ZHX2: variants seen among roughly 807,000 people sequenced by gnomAD.
The protein encoded by ZHX2 is zinc fingers and homeoboxes 2.
In ZHX2, 6 loss-of-function variants were observed where a neutral mutation model predicts 21.9. That is an observed-to-expected ratio of 0.27 (90% CI 0.15 to 0.54). The LOEUF (loss-of-function observed/expected upper bound fraction) is 0.54. Among genes scored for constraint, ZHX2 ranks in the 20% least tolerant of loss-of-function variants. The probability of loss-of-function intolerance (pLI) is 0.95; values close to 1 mark genes in which losing one functional copy is unlikely to be tolerated. For missense variants in ZHX2, 908 were observed against 1,090.7 expected (o/e 0.83, Z 2.36); for synonymous variants, 434 against 437.1 (o/e 0.99, Z 0.09).
chr8:122,819,397 C>T (rs910905016), intron 1 of ZHX2, among the ~76,000 whole-genome samples: 2 of 152,212 alleles, frequency 1.3e-5, no homozygotes, highest in Admixed American at 1.3e-4. Context: ...TCCCAGCATG[C>T]GTGCTCACAG....
intron 2 of ZHX2, among the ~76,000 whole-genome samples, chr8:122,875,129 TTATATATATA>T (rs71310631): frequency 8.8e-4 from 9 of 10,224 alleles, no homozygotes; most frequent in Admixed American, 3.8e-3. Flanking sequence ...GAAAACTCTG[TTATATATATA>T]TATATATATA....
chr8:122,810,822 A>C (rs943390519), intron 1 of ZHX2, among the ~76,000 whole-genome samples: 1 of 151,554 alleles, frequency 6.6e-6, no homozygotes, highest in African/African-American at 2.4e-5. Flanking sequence ...TTTAAGTTTT[A>C]GGGTACGTGT....
intron 2 of ZHX2, among the ~76,000 whole-genome samples, chr8:122,932,855 G>A (rs1586399692): frequency 6.6e-6 from 1 of 151,934 alleles, no homozygotes; most frequent in Non-Finnish European, 1.5e-5. Context: ...CCACACCCTG[G>A]GTCCTGTGTA....
At chr8:122,890,022 A>T (rs1819939509) in intron 2 of ZHX2, among the ~76,000 whole-genome samples, 1 of 152,158 alleles carries the variant, frequency 6.6e-6, no homozygotes, top group South Asian at 2.1e-4. Flanking sequence ...TCTTATCCAT[A>T]AACTTTTTGG....
In ZHX2 at chr8:122,830,110, G is replaced by A. The variant is rs547497638; in HGVS notation, c.-282-33367G>A. ...CGTGTGCCGACAGACAACAGGAGGCGGTGTGGAGCAACTTGCTGTTTTAAT... is the reference window on the plus strand; with the variant it reads ...CGTGTGCCGACAGACAACAGGAGGCAGTGTGGAGCAACTTGCTGTTTTAAT... On this transcript the variant is annotated intron_variant, in intron 1 of 3. Transcript: ENST00000314393. Among the ~76,000 whole-genome samples, 10 of 152,312 alleles carry A rather than the reference G, an allele frequency of 6.6e-5. No individual in the cohort carries two copies. In the South Asian group the frequency reaches 1.9e-3, roughly 28 times the overall value.
At chr8:122,789,234 C>T (rs1361504879) in intron 1 of ZHX2, among the ~76,000 whole-genome samples, 2 of 152,214 alleles carry the variant, frequency 1.3e-5, no homozygotes, top group African/African-American at 2.4e-5. Flanking sequence ...AATCATAACA[C>T]GTCTGCCTAT....
intron 1 of ZHX2, among the ~76,000 whole-genome samples, chr8:122,844,259 A>C (rs1818704663): frequency 1.3e-5 from 2 of 152,234 alleles, no homozygotes; most frequent in South Asian, 4.1e-4. Flanking sequence ...AAGGGTAGAC[A>C]CATAGGTCTT....
intron 2 of ZHX2, among the ~76,000 whole-genome samples, chr8:122,881,499 A>G (rs1431466444): frequency 6.6e-6 from 1 of 152,226 alleles, no homozygotes; most frequent in Non-Finnish European, 1.5e-5. Flanking sequence ...GTGTTAATCC[A>G]TATTGTTGCG....
chr8:122,875,237 G>A (rs1819544008), intron 2 of ZHX2, among the ~76,000 whole-genome samples: 1 of 144,498 alleles, frequency 6.9e-6, no homozygotes. Flanking sequence ...TTCTCAGAAG[G>A]CAGCAGGGCA....
intron 2 of ZHX2, among the ~76,000 whole-genome samples, chr8:122,907,482 T>A (rs891052823): frequency 6.6e-6 from 1 of 151,964 alleles, no homozygotes; most frequent in African/African-American, 2.4e-5. Flanking sequence ...AGCGGAGGGG[T>A]GACTTTGAAT....
chr8:122,888,874 A>C (rs970150145), intron 2 of ZHX2, among the ~76,000 whole-genome samples: 12 of 152,122 alleles, frequency 7.9e-5, no homozygotes, highest in Non-Finnish European at 1.5e-4. Context: ...GTCTCCATTT[A>C]CCAGCCTCTC....
intron 1 of ZHX2, among the ~76,000 whole-genome samples, chr8:122,855,971 G>C (rs1183719201): frequency 6.6e-6 from 1 of 152,200 alleles, no homozygotes; most frequent in Admixed American, 6.5e-5. Flanking sequence ...TAAGCACCTA[G>C]ATGTACCCCA....
intron 2 of ZHX2, among the ~76,000 whole-genome samples, chr8:122,866,088 C>G (rs1216303528): frequency 6.6e-6 from 1 of 152,184 alleles, no homozygotes; most frequent in Non-Finnish European, 1.5e-5. Context: ...ATGGGGACAC[C>G]CTTACTATCC....
At chr8:122,907,126 G>GA (rs1173193965) in intron 2 of ZHX2, among the ~76,000 whole-genome samples, 1 of 152,162 alleles carries the variant, frequency 6.6e-6, no homozygotes, top group East Asian at 1.9e-4. Flanking sequence ...TGTGAACCTA[G>GA]AAAATCTGAG....
intron 1 of ZHX2, among the ~76,000 whole-genome samples, chr8:122,862,239 C>T (rs2130774880): frequency 6.6e-6 from 1 of 152,314 alleles, no homozygotes; most frequent in Middle Eastern, 3.4e-3. Flanking sequence ...ACTGCACCTT[C>T]CCCCAGATAG....
rs998427792 is a variant in ZHX2 at position 122,905,792 on chromosome 8, A to G, written c.-220+42253A>G. 2.0e-5 allele frequency among the ~76,000 whole-genome samples: 3 copies of G among 152,232 alleles called. No individual in the cohort carries two copies. In the South Asian group the frequency reaches 6.2e-4, roughly 31 times the overall value. On this transcript the variant is annotated intron_variant, in intron 2 of 3. Coordinates refer to ENST00000314393, the MANE Select transcript of ZHX2 (RefSeq NM_014943.5). ...TAGAATTCTTGTCCTTTGAATTAGTATTGGGTTGGCGCAAACATGATTGTA... is the reference window on the plus strand; with the variant it reads ...TAGAATTCTTGTCCTTTGAATTAGTGTTGGGTTGGCGCAAACATGATTGTA...
intron 1 of ZHX2, among the ~76,000 whole-genome samples, chr8:122,808,554 C>T (rs757217400): frequency 2.0e-5 from 3 of 152,178 alleles, no homozygotes; most frequent in Non-Finnish European, 4.4e-5. Context: ...CAGGTCCCTC[C>T]CGTGATGTGG....
chr8:122,782,718 G>T lies in ZHX2; in HGVS notation c.-283+772G>T, dbSNP rs796237987. Among the ~76,000 whole-genome samples the T allele has an allele frequency of 1.3e-5, 2 of 152,048 alleles. No individual in the cohort carries two copies. Among genetic ancestry groups the T allele is most frequent in the Admixed American group, 1.3e-4 (2 of 15,276 alleles). Reference sequence around the variant, plus strand: ...CCTCACCCCCGCTCAGGTGCAGGGGGAGTCCGCGCGGGGCGGGGGGCCGAG... The same window carrying T: ...CCTCACCCCCGCTCAGGTGCAGGGGTAGTCCGCGCGGGGCGGGGGGCCGAG... On this transcript the variant is annotated intron_variant, in intron 1 of 3. Coordinates refer to ENST00000314393, the MANE Select transcript of ZHX2 (RefSeq NM_014943.5). This position sits in a 1 kb window ranked among gnomAD's most constrained non-coding sequence, Gnocchi z 5.3.
chr8:122,960,756 C>T (rs976144876), intron 3 of ZHX2, among the ~76,000 whole-genome samples: 1 of 152,084 alleles, frequency 6.6e-6, no homozygotes, highest in African/African-American at 2.4e-5. Context: ...AAAGCCAGAG[C>T]GTTAGGTGGA....
Sources: gnomAD v4.1 joint callset for allele counts (sites outside exome capture counted in the v4.1 genomes callset) on GRCh38, gnomAD v4.1.1 for gene constraint, Gnocchi (gnomAD v3.1) non-coding constraint, MANE v1.5 for transcripts, NCBI Gene and HGNC (gene_info 2026-07-23, HGNC 2026-07-21) for gene names.